The following CGNL1 variants were observed in gnomAD, a reference collection of about 807,000 sequenced individuals.
CGNL1 encodes cingulin like 1.
In CGNL1, 132 loss-of-function variants were observed where a neutral mutation model predicts 141.2. The ratio of observed to expected loss-of-function variants is 0.93; its 90% confidence interval spans 0.81 to 1.08. CGNL1 has a LOEUF of 1.08. Among genes scored for constraint, CGNL1 ranks in the 50% least tolerant of loss-of-function variants. The pLI is 0.00. For synonymous variants in CGNL1, 690 were observed against 622.1 expected, an observed-to-expected ratio of 1.11 and a Z score of -1.63; for missense variants, 1,870 against 1,588.6, an observed-to-expected ratio of 1.18 and a Z score of -3.01.
At chr15:57,479,587 G>A (rs980375874) in intron 8 of CGNL1, among the ~76,000 whole-genome samples, 2 of 152,094 alleles carry the variant, frequency 1.3e-5, no homozygotes, top group East Asian at 3.9e-4. Context: ...TCGCTTAAAC[G>A]CAGTAGGTGG....
intron 8 of CGNL1, among the ~76,000 whole-genome samples, chr15:57,493,459 A>G (rs756155285): frequency 5.9e-5 from 9 of 152,234 alleles, no homozygotes; most frequent in Non-Finnish European, 1.2e-4. Context: ...CGTGACCCAA[A>G]GCAGGCAGAG....
chr15:57,419,201 A>G (rs2062885820), intron 1 of CGNL1, among the ~76,000 whole-genome samples: 1 of 152,174 alleles, frequency 6.6e-6, no homozygotes, highest in Admixed American at 6.5e-5. Flanking sequence ...AAGTGCTGAC[A>G]GTAAGGCGTG....
intron 8 of CGNL1, among the ~76,000 whole-genome samples, chr15:57,499,238 CTTTTTTTTTTTTTT>C (rs201081475): frequency 8.7e-5 from 8 of 91,840 alleles, no homozygotes; most frequent in African/African-American, 1.5e-4. Flanking sequence ...AAGTTAATGG[CTTTTTTTTTTTTTT>C]TTTTTTTTTT....
intron 14 of CGNL1, among the ~76,000 whole-genome samples, chr15:57,533,298 C>T (rs1397331660): frequency 6.6e-6 from 1 of 152,192 alleles, no homozygotes; most frequent in African/African-American, 2.4e-5. Context: ...AGGGACCTTC[C>T]TGAAAATCAG....
At chr15:57,443,368 A>G (rs563435222) in intron 4 of CGNL1, among the ~76,000 whole-genome samples, 2 of 152,298 alleles carry the variant, frequency 1.3e-5, no homozygotes, top group Admixed American at 6.5e-5. Context: ...TCGTTCCTCA[A>G]TCTTCCACCG....
chr15:57,383,306 G>T (rs2414504), intron 1 of CGNL1, among the ~76,000 whole-genome samples: 6,235 of 80,002 alleles, frequency 0.078, 117 homozygotes, highest in African/African-American at 0.14. Context: ...TTTTTTTTTT[G>T]TTTTTTTGAT....
intron 1 of CGNL1, among the ~76,000 whole-genome samples, chr15:57,383,332 C>A (rs1472291961): frequency 7.1e-6 from 1 of 140,878 alleles, no homozygotes; most frequent in Non-Finnish European, 1.5e-5. Flanking sequence ...GTTGCCCAGC[C>A]TTGTTGCCCA....
intron 8 of CGNL1, among the ~76,000 whole-genome samples, chr15:57,475,724 C>G (rs1248127798): frequency 1.3e-5 from 2 of 152,080 alleles, no homozygotes; most frequent in African/African-American, 4.8e-5. Context: ...TCTTTTCTGA[C>G]CTGCTGTCCT....
intron 1 of CGNL1, among the ~76,000 whole-genome samples, chr15:57,431,472 A>T (rs1313465016): frequency 6.6e-6 from 1 of 152,202 alleles, no homozygotes; most frequent in African/African-American, 2.4e-5. Context: ...ATTGAAACTA[A>T]TATGTGTTTT....
At chr15:57,468,738 C>T (rs1207726569) in intron 8 of CGNL1, among the ~76,000 whole-genome samples, 2 of 152,142 alleles carry the variant, frequency 1.3e-5, no homozygotes, top group Non-Finnish European at 2.9e-5. Context: ...ACCTAAATCT[C>T]GTCTTGAATT....
chr15:57,468,234 CTTTTTTTTT>C (rs57360097), intron 8 of CGNL1, among the ~76,000 whole-genome samples: 4 of 85,918 alleles, frequency 4.7e-5, no homozygotes, highest in South Asian at 4.5e-4. Flanking sequence ...TTTTCTTTTT[CTTTTTTTTT>C]TTTTTTTTTT....
At chr15:57,470,622 A>G (rs1378023051) in intron 8 of CGNL1, among the ~76,000 whole-genome samples, 1 of 152,210 alleles carries the variant, frequency 6.6e-6, no homozygotes, top group African/African-American at 2.4e-5. Flanking sequence ...ATGCTGGTTT[A>G]TCTTTAGATA....
chr15:57,461,950 C>CATCTGT, intron 8 of CGNL1, 58 bp downstream of exon 8: 1 of 1,271,558 alleles, frequency 7.9e-7, no homozygotes, highest in Non-Finnish European at 1.1e-6. Context: ...AAGACCCTCT[C>CATCTGT]TCCCACACCA....
intron 8 of CGNL1, among the ~76,000 whole-genome samples, chr15:57,468,234 C>CTTTTTTTTTTTTTTTTTTTTTTT (rs57360097): frequency 2.3e-5 from 2 of 85,916 alleles, no homozygotes; most frequent in African/African-American, 1.0e-4. Context: ...TTTTCTTTTT[C>CTTTTTTTTTTTTTTTTTTTTTTT]TTTTTTTTTT....
chr15:57,382,236 A>T (rs2062432854), intron 1 of CGNL1, among the ~76,000 whole-genome samples: 1 of 152,220 alleles, frequency 6.6e-6, no homozygotes, highest in Non-Finnish European at 1.5e-5. Context: ...GATGAGTTTA[A>T]AAAAGGGCTA....
intron 4 of CGNL1, among the ~76,000 whole-genome samples, chr15:57,450,421 C>T (rs866417414): frequency 1.3e-5 from 2 of 152,102 alleles, no homozygotes; most frequent in Admixed American, 6.5e-5. Flanking sequence ...GGACTACAGA[C>T]GTGTGCCACT....
At chr15:57,477,767 G>T (rs1358761286) in intron 8 of CGNL1, among the ~76,000 whole-genome samples, 3 of 152,094 alleles carry the variant, frequency 2.0e-5, no homozygotes, top group African/African-American at 7.2e-5. Flanking sequence ...GTCCCATTGT[G>T]AACTGTTTCC....
intron 1 of CGNL1, among the ~76,000 whole-genome samples, chr15:57,395,566 G>T (rs1176203817): frequency 6.6e-6 from 1 of 152,238 alleles, no homozygotes; most frequent in East Asian, 1.9e-4. Context: ...ATGGTGTATT[G>T]CACAGTGATT....
chr15:57,432,198 T>C (rs1854244979), intron 1 of CGNL1, among the ~76,000 whole-genome samples: 1 of 152,132 alleles, frequency 6.6e-6, no homozygotes, highest in African/African-American at 2.4e-5. Flanking sequence ...AAGGTGAAGG[T>C]TTCAGATTGC....
Sources: allele counts gnomAD v4.1 joint callset (sites outside exome capture counted in the v4.1 genomes callset), GRCh38; gene constraint gnomAD v4.1.1; transcripts MANE v1.5; gene names NCBI Gene and HGNC (gene_info 2026-07-23, HGNC 2026-07-21).